Variants in SPAG16 observed in about 807,000 individuals in gnomAD.
SPAG16 encodes the protein sperm-associated antigen 16 protein.
In SPAG16, 86 loss-of-function variants were observed where a neutral mutation model predicts 80.4. That is an observed-to-expected ratio of 1.07 (90% CI 0.90 to 1.28). The LOEUF (loss-of-function observed/expected upper bound fraction) is 1.28, where lower values mean the gene tolerates loss of function less well. SPAG16 is among the 50% of genes most tolerant of loss of function. The pLI is 0.00. For synonymous variants in SPAG16, 294 were observed against 265.9 expected, an observed-to-expected ratio of 1.11 and a Z score of -1.03; for missense variants, 870 against 765.3, an observed-to-expected ratio of 1.14 and a Z score of -1.61.
intron 10 of SPAG16, among the ~76,000 whole-genome samples, chr2:213,765,611 G>A (rs1019604144): frequency 6.6e-6 from 1 of 152,028 alleles, no homozygotes; most frequent in Non-Finnish European, 1.5e-5. Context: ...GTGTGTGTGT[G>A]TGTTATTTAC....
intron 15 of SPAG16, among the ~76,000 whole-genome samples, chr2:214,226,822 G>T (rs531277075): frequency 6.6e-6 from 1 of 151,924 alleles, no homozygotes; most frequent in Non-Finnish European, 1.5e-5. Context: ...CTGATCCCCT[G>T]GCTCTTAAAT....
chr2:213,742,257 T>G (rs768384592), intron 10 of SPAG16, among the ~76,000 whole-genome samples: 3 of 152,174 alleles, frequency 2.0e-5, no homozygotes, highest in Non-Finnish European at 2.9e-5. Flanking sequence ...CAGTACAGAT[T>G]CTGTCTTATA....
intron 11 of SPAG16, among the ~76,000 whole-genome samples, chr2:213,915,634 G>A (rs1218184294): frequency 6.6e-6 from 1 of 152,074 alleles, no homozygotes; most frequent in African/African-American, 2.4e-5. Context: ...AATCCTTTGG[G>A]TATATGCCCA....
At chr2:213,778,260 A>G (rs2069724934) in intron 10 of SPAG16, among the ~76,000 whole-genome samples, 1 of 152,194 alleles carries the variant, frequency 6.6e-6, no homozygotes, top group South Asian at 2.1e-4. Flanking sequence ...TTTAACATAT[A>G]TACTTAACTA....
At chr2:213,607,330 T>G (rs1279167270) in intron 10 of SPAG16, among the ~76,000 whole-genome samples, 1 of 152,190 alleles carries the variant, frequency 6.6e-6, no homozygotes, top group African/African-American at 2.4e-5. Context: ...CTATTGCACC[T>G]TTCTTAAAAA....
chr2:214,230,780 T>C (rs1688640266), intron 15 of SPAG16, among the ~76,000 whole-genome samples: 1 of 151,812 alleles, frequency 6.6e-6, no homozygotes, highest in African/African-American at 2.4e-5. Context: ...GCCATTGTTG[T>C]GGAGGTGATG....
intron 11 of SPAG16, among the ~76,000 whole-genome samples, chr2:213,884,053 G>T (rs189784344): frequency 6.6e-6 from 1 of 152,228 alleles, no homozygotes; most frequent in Non-Finnish European, 1.5e-5. Flanking sequence ...TCATCATGTT[G>T]TTAGCTGGTT....
intron 13 of SPAG16, among the ~76,000 whole-genome samples, chr2:214,056,964 C>T (rs951443180): frequency 1.3e-5 from 2 of 152,164 alleles, no homozygotes; most frequent in African/African-American, 4.8e-5. Context: ...AAAATTTTAT[C>T]ATGAGCTTAT....
intron 15 of SPAG16, among the ~76,000 whole-genome samples, chr2:214,378,470 G>C (rs1356899551): frequency 1.3e-5 from 2 of 152,176 alleles, no homozygotes; most frequent in African/African-American, 4.8e-5. Flanking sequence ...CTGTTTCACT[G>C]ATGTTATCCT....
At chr2:214,062,418 CAAAAAAAAA>C (rs56693089) in intron 13 of SPAG16, among the ~76,000 whole-genome samples, 10 of 55,372 alleles carry the variant, frequency 1.8e-4, no homozygotes, top group Admixed American at 2.6e-4. Flanking sequence ...GACTCTGACT[CAAAAAAAAA>C]AAAAAAAAAA....
intron 10 of SPAG16, among the ~76,000 whole-genome samples, chr2:213,671,379 A>T (rs78822501): frequency 0.05 from 7,568 of 152,194 alleles, 607 homozygotes; most frequent in African/African-American, 0.17. Context: ...TATTTGATTG[A>T]AAGGAGTCAA....
chr2:213,488,829 C>T (rs927379175), intron 9 of SPAG16, among the ~76,000 whole-genome samples: 1 of 148,094 alleles, frequency 6.8e-6, no homozygotes, highest in African/African-American at 2.4e-5. Flanking sequence ...GTAATCCCAC[C>T]ACTTTGGGAG....
At chr2:213,362,827 G>C (rs1278089243) in intron 7 of SPAG16, among the ~76,000 whole-genome samples, 1 of 152,158 alleles carries the variant, frequency 6.6e-6, no homozygotes, top group East Asian at 1.9e-4. Flanking sequence ...TTGGCGCATG[G>C]TTCTGCAGGC....
chr2:213,981,865 C>T (rs943047122), intron 12 of SPAG16, among the ~76,000 whole-genome samples: 12 of 149,208 alleles, frequency 8.0e-5, no homozygotes, highest in African/African-American at 2.6e-4. Flanking sequence ...TTTTAAAGTC[C>T]GAATTTAATT....
chr2:213,511,366 A>G (rs1575793924), intron 10 of SPAG16, among the ~76,000 whole-genome samples: 2 of 152,248 alleles, frequency 1.3e-5, no homozygotes, highest in Non-Finnish European at 2.9e-5. Context: ...ATAAAATACC[A>G]TCGTTTCGAG....
intron 10 of SPAG16, among the ~76,000 whole-genome samples, chr2:213,694,510 AGTC>A (rs2065079320): frequency 1.3e-5 from 2 of 152,208 alleles, no homozygotes; most frequent in East Asian, 3.9e-4. Flanking sequence ...ATAGCCAAAA[AGTC>A]ACAATGATCA....
At chr2:213,778,643 T>C (rs902191192) in intron 10 of SPAG16, among the ~76,000 whole-genome samples, 1 of 152,128 alleles carries the variant, frequency 6.6e-6, no homozygotes, top group African/African-American at 2.4e-5. Context: ...TTTTCTTCTT[T>C]TCCATGGTAT....
chr2:214,329,849 AG>A (rs1184043807), intron 15 of SPAG16, among the ~76,000 whole-genome samples: 1 of 152,196 alleles, frequency 6.6e-6, no homozygotes, highest in Non-Finnish European at 1.5e-5. Flanking sequence ...CTTTTAGCAA[AG>A]GTGTCAACTT....
At chr2:213,433,990 G>C (rs1389074524) in intron 9 of SPAG16, among the ~76,000 whole-genome samples, 5 of 132,134 alleles carry the variant, frequency 3.8e-5, no homozygotes, top group African/African-American at 8.9e-5. Flanking sequence ...GCCCTATTTT[G>C]GCTCACTGCA....
Sources: allele counts gnomAD v4.1 joint callset (sites outside exome capture counted in the v4.1 genomes callset), GRCh38; gene constraint gnomAD v4.1.1; transcripts MANE v1.5; gene names NCBI Gene and HGNC (gene_info 2026-07-23, HGNC 2026-07-21).